Variants in UTP20 observed in about 807,000 individuals in gnomAD.
UTP20 encodes the protein small subunit processome component 20 homolog.
UTP20 carries 164 observed loss-of-function variants against 329.5 expected under a neutral mutation model. The ratio of observed to expected loss-of-function variants is 0.50; its 90% CI spans 0.44 to 0.57. UTP20 has a LOEUF of 0.57. Among genes scored for constraint, UTP20 ranks in the 20% least tolerant of loss-of-function variants. The pLI is 0.00. For missense variants in UTP20, 3,055 were observed against 3,284.2 expected, an observed-to-expected ratio of 0.93 and a Z score of 1.71; for synonymous variants, 1,151 against 1,159.3, an observed-to-expected ratio of 0.99 and a Z score of 0.14.
intron 25 of UTP20, among the ~76,000 whole-genome samples, chr12:101,326,074 C>T (rs928560596): frequency 6.6e-6 from 1 of 152,044 alleles, no homozygotes; most frequent in African/African-American, 2.4e-5. Flanking sequence ...ATTCAAAGTG[C>T]AAGATAGATG....
In UTP20 at chr12:101,284,553, C is replaced by T. The variant is rs192972120; in HGVS notation, c.127-1017C>T. Among the ~76,000 whole-genome samples the T allele has an allele frequency of 3.0e-4, 46 of 152,124 alleles. No individual in the cohort carries two copies. In the East Asian group the frequency reaches 3.9e-3, roughly 13 times the overall value. On this transcript the variant is annotated intron_variant, in intron 2 of 61. Transcript: ENST00000261637. ...TGTGGATAGTGTAGAGATAAACATA[C>T]GAAGGCATGTATCTTTTTGGTAGAA...
chr12:101,356,930 T>A lies in UTP20; in HGVS notation c.5539T>A (p.Leu1847Met). Residue 1847 changes from leucine (L) to methionine (M), a missense_variant, in exon 43 of 62, where the codon TTG (leucine) becomes ATG (methionine). Leu to Met is a conservative substitution (Grantham distance 15, BLOSUM62 2). Coordinates refer to ENST00000261637, the MANE Select transcript of UTP20 (RefSeq NM_014503.3). ...TTTCAACTTCTCATTTTCTAGTATTTTGCTGAAAGTGTGTGCCCTACTCAA... is the reference window on the plus strand; with the variant it reads ...TTTCAACTTCTCATTTTCTAGTATTATGCTGAAAGTGTGTGCCCTACTCAA... The part of the protein sequence containing the change: ...EVMEANLPSI[L>M]LKVCALLKNR... The A allele has an allele frequency of 6.2e-7, 1 of 1,603,656 alleles. No individual in the cohort carries two copies. Among genetic ancestry groups the A allele is most frequent in the Non-Finnish European group, 8.5e-7 (1 of 1,177,152 alleles).
intron 38 of UTP20, among the ~76,000 whole-genome samples, chr12:101,347,227 A>T (rs1479397005): frequency 6.6e-6 from 1 of 152,198 alleles, no homozygotes; most frequent in East Asian, 1.9e-4. Flanking sequence ...ATTATTGATT[A>T]AAAAGATTAA....
chr12:101,345,701 G>A lies in UTP20; in HGVS notation c.4746+7G>A. On this transcript the variant is annotated splice_region_variant and intron_variant, in intron 37 of 61. Coordinates refer to ENST00000261637, the MANE Select transcript of UTP20 (RefSeq NM_014503.3). ...GAACATGAAGCACATTCAGGTAGAA[G>A]ACAATTCTGCTTTTTCCTACCTACG... is the stretch of plus-strand genomic sequence containing the variant. The A allele has an allele frequency of 6.2e-7, 1 of 1,603,862 alleles. No homozygotes were observed. The highest frequency in any genetic ancestry group is 1.1e-5 in the South Asian group (1 of 88,770).
chr12:101,317,443 T>C, intron 21 of UTP20, 35 bp from the exon 22 acceptor site: 1 of 1,606,374 alleles, frequency 6.2e-7, no homozygotes. Flanking sequence ...GTGTGCGTTC[T>C]TCATCAGTAT....
chr12:101,311,960 A>G, intron 20 of UTP20, 76 bp from the exon 21 acceptor site: 1 of 1,592,900 alleles, frequency 6.3e-7, no homozygotes, highest in Non-Finnish European at 8.6e-7. Flanking sequence ...AGAGAAAGAA[A>G]TGCCCTCTCT....
rs765335495 is a variant in UTP20, at chr12:101,383,244, G to A, written c.7860G>A (p.Leu2620=). 6.2e-7 allele frequency: 1 copy of A among 1,614,210 alleles called. No individual in the cohort carries two copies. The highest frequency in any genetic ancestry group is 1.7e-5 in the Admixed American group (1 of 60,022). ...KEELGRPATL[L]WLIQKLSRIA... is the part of the protein sequence containing the mutation. ...AGCTCGGCAGGCCGGCCACGCTGCT[G>A]TGGTTGATCCAGAAGCTGTCCCGGA... is the stretch of plus-strand genomic sequence containing the variant. The change falls in exon 59 of 62, where the codon CTG becomes CTA. Residue 2620 remains leucine, a synonymous_variant. Transcript: ENST00000261637.
intron 28 of UTP20, among the ~76,000 whole-genome samples, chr12:101,333,797 G>T (rs1327401353): frequency 6.6e-6 from 1 of 152,184 alleles, no homozygotes; most frequent in Non-Finnish European, 1.5e-5. Flanking sequence ...CCAAGTAGCT[G>T]GGATTACAGC....
chr12:101,347,331 T>C (rs1165799377), intron 38 of UTP20, among the ~76,000 whole-genome samples: 1 of 152,138 alleles, frequency 6.6e-6, no homozygotes, highest in Non-Finnish European at 1.5e-5. Context: ...GAGACCAGCC[T>C]GGCCAAAATG....
chr12:101,377,396 TCTCAGCTCACTGCAAC>T (rs1388633211), intron 56 of UTP20, among the ~76,000 whole-genome samples: 1 of 152,118 alleles, frequency 6.6e-6, no homozygotes, highest in Non-Finnish European at 1.5e-5. Context: ...AGTTGTGCGA[TCTCAGCTCACTGCAAC>T]CTTTGCCTCC....
Position 101,342,552 on chromosome 12 carries a change from A to G in UTP20, c.4208A>G (p.Asn1403Ser). 2 of 1,613,584 alleles carry G rather than the reference A, an allele frequency of 1.2e-6. No individual in the cohort carries two copies. Among genetic ancestry groups the G allele is most frequent in the South Asian group, 1.1e-5 (1 of 90,948 alleles). ...GCAAAACTTTTCTCAGTTATTAAGA[A>G]CAAATTGTCAAGAAAATTGCTTTGT... ...PIAKLFSVIKNKLSRKLLCTV... is the reference protein window; with the variant it reads ...PIAKLFSVIKSKLSRKLLCTV... The change falls in exon 33 of 62, where the codon AAC becomes AGC. Residue 1403 changes from asparagine (N) to serine (S), a missense_variant. Transcript: ENST00000261637.
chr12:101,350,244 GC>G (rs1869472996), intron 38 of UTP20, among the ~76,000 whole-genome samples: 1 of 152,074 alleles, frequency 6.6e-6, no homozygotes, highest in Non-Finnish European at 1.5e-5. Context: ...ATAGCTCACT[GC>G]AGCTTCAAAC....
intron 32 of UTP20, 117 bp from the exon 33 acceptor site, chr12:101,342,329 C>T (rs1869167297): frequency 8.8e-6 from 7 of 798,940 alleles, no homozygotes; most frequent in African/African-American, 1.8e-5. Flanking sequence ...ATAATTTTTC[C>T]AATTACTACT....
chr12:101,310,238 A>G lies in UTP20; in HGVS notation c.2231+399A>G, dbSNP rs372160345. 1.9e-3 allele frequency among the ~76,000 whole-genome samples: 291 copies of G among 152,256 alleles called. 2 individuals carry two copies. Among genetic ancestry groups the G allele is most frequent in the African/African-American group, 6.7e-3 (277 of 41,558 alleles). On this transcript the variant is annotated intron_variant, in intron 19 of 61. Transcript: ENST00000261637. ...TTCAAAACCTTGCTGTCTAGCATCC[A>G]AAATCCCTTTAGCCCCAAAATGTCT...
In UTP20 at chr12:101,373,027, G is replaced by A. The variant is rs1056835797; in HGVS notation, c.6878+64G>A. 6.0e-5 allele frequency: 84 copies of A among 1,388,766 alleles called. 1 individual carries two copies. The highest frequency in any genetic ancestry group is 4.3e-4 in the South Asian group (37 of 85,978). The allele number at this position is 1,388,766 out of a possible 1,614,324, so 86.0% of individuals were successfully genotyped here. A position where few individuals can be genotyped will look rare whatever the true frequency, so the allele number is the denominator to read the frequency against. On this transcript the variant is annotated intron_variant, in intron 52 of 61. Coordinates refer to ENST00000261637, the MANE Select transcript of UTP20 (RefSeq NM_014503.3). ...GTTTCTTCTTTCCCTTTAACATGGC[G>A]GCTGTCTTAAAAAGGATGGGGCCTA...
Position 101,369,791 on chromosome 12 carries a change from C to T in UTP20, c.6455C>T (p.Ala2152Val). Residue 2152 changes from alanine to valine, a missense_variant, in exon 49 of 62, where the codon GCA becomes GTA. By Grantham distance (64) the Ala-to-Val change is moderately conservative. Around this residue, in one of 3 missense-constraint regions of UTP20, gnomAD observed 2,445 missense variants for 2,575.5 expected, o/e 0.95. Coordinates refer to ENST00000261637, the MANE Select transcript of UTP20 (RefSeq NM_014503.3). ...RFPLPSIETK[A>V]EQLTKHLFLL... ...CCGCTACCTTCCATAGAAACAAAAG[C>T]AGAGCAGCTGACAAAACACCTCTTC... 6.2e-7 allele frequency: 1 copy of T among 1,611,636 alleles called. No homozygotes were observed. The highest frequency in any genetic ancestry group is 8.5e-7 in the Non-Finnish European group (1 of 1,177,820).
intron 22 of UTP20, among the ~76,000 whole-genome samples, chr12:101,318,691 C>T (rs1189614321): frequency 2.0e-5 from 3 of 151,852 alleles, no homozygotes; most frequent in African/African-American, 7.3e-5. Context: ...ATTAGTCAGG[C>T]ATGGTGGTGC....
chr12:101,306,426 T>C (rs924076151), intron 16 of UTP20, among the ~76,000 whole-genome samples: 10 of 152,176 alleles, frequency 6.6e-5, no homozygotes, highest in African/African-American at 2.2e-4. Context: ...CTAACTTTAA[T>C]TGAATTGACA....
rs1362297903 is a variant in UTP20 at position 101,370,348 on chromosome 12, G to C, written c.6556-84G>C. The C allele has an allele frequency of 2.8e-6, 4 of 1,441,228 alleles. No individual in the cohort carries two copies. The South Asian group carries it at 5.9e-5, about 21-fold the overall frequency. The allele number at this position is 1,441,228 out of a possible 1,614,324, so 89.3% of individuals were successfully genotyped here. On this transcript the variant is annotated intron_variant, in intron 49 of 61. Transcript: ENST00000261637. The stretch of plus-strand genomic sequence containing the variant: ...GCACCCTGTTTGGAAAAGCATACTT[G>C]TGTGTTGTGTTAAGTCCTTGTCATT...
Sources: gnomAD v4.1 joint callset for allele counts (sites outside exome capture counted in the v4.1 genomes callset) on GRCh38, gnomAD v4.1.1 for gene constraint, gnomAD v4.1.1 regional missense constraint, MANE v1.5 for transcripts, NCBI Gene and HGNC (gene_info 2026-07-23, HGNC 2026-07-21) for gene names.